TSC2: variants seen among roughly 807,000 people sequenced by gnomAD.
The protein encoded by TSC2 is tuberin.
In TSC2, 29 loss-of-function variants were observed where a neutral mutation model predicts 202.2. That is an observed-to-expected ratio of 0.14 (90% CI 0.11 to 0.20). The LOEUF is 0.20. Ranked by LOEUF, TSC2 falls within the 10% of genes least tolerant of loss-of-function variation. The pLI is 1.00. For synonymous variants in TSC2, 1,349 were observed against 1,044.0 expected (o/e 1.29, Z -5.63); for missense variants, 2,429 against 2,420.0 (o/e 1.00, Z -0.08).
rs1334725181 is a variant in TSC2, at chr16:2,074,191, C to G, written c.2356-9C>G. ...GCGGGTGGGGCCTGAGGTGTCCTGT[C>G]TCCTGCAGCGCGAGATGGTCTACTG... On this transcript the variant is annotated splice_polypyrimidine_tract_variant and intron_variant, in intron 21 of 41. Coordinates refer to ENST00000219476, the MANE Select transcript of TSC2 (RefSeq NM_000548.5). The G allele has an allele frequency of 1.2e-6, 2 of 1,610,768 alleles. No individual in the cohort carries two copies. Among genetic ancestry groups the G allele is most frequent in the Admixed American group, 1.7e-5 (1 of 60,008 alleles).
intron 24 of TSC2, 112 bp downstream of exon 24, chr16:2,076,282 G>A: frequency 6.4e-7 from 1 of 1,568,620 alleles, no homozygotes; most frequent in Non-Finnish European, 8.6e-7. Context: ...GTGGGAGGGT[G>A]TTTGGGGCTG....
In TSC2 at chr16:2,060,775, C is replaced by G. The variant is rs796053483; in HGVS notation, c.1081C>G (p.Leu361Val). The G allele has an allele frequency of 5.0e-6, 8 of 1,613,822 alleles. No individual in the cohort carries two copies. In the Admixed American group the frequency reaches 6.7e-5, roughly 13 times the overall value. ...KELQVVAWDI[L>V]LNIIERLLQQ... Reference sequence around the variant, plus strand: ...GCTCCAGGTGGTGGCGTGGGACATTCTGCTGAACATCATCGAACGGCTCCT... The same window carrying G: ...GCTCCAGGTGGTGGCGTGGGACATTGTGCTGAACATCATCGAACGGCTCCT... Residue 361 changes from leucine (L) to valine (V), a missense_variant, in exon 11 of 42, where the codon CTG becomes GTG. Leu to Val is a conservative substitution (Grantham distance 32). Transcript: ENST00000219476.
intron 17 of TSC2, 29 bp from the exon 18 acceptor site, chr16:2,071,481 T>C (rs2088374716): frequency 1.2e-6 from 2 of 1,612,582 alleles, no homozygotes; most frequent in Non-Finnish European, 1.7e-6. Flanking sequence ...CGAGCTTGGC[T>C]CTGGCTTTCA....
rs2090261149 is a variant in TSC2 at position 2,082,455 on chromosome 16, G to GT, written c.3835dup (p.Tyr1279LeufsTer43). On this transcript the variant is annotated frameshift_variant, in exon 32 of 42. Coordinates refer to ENST00000219476, the MANE Select transcript of TSC2 (RefSeq NM_000548.5). LOFTEE classifies it high-confidence loss of function. ...TTGCAGTGGCCTCTTTCTCCTCCCTGTACCAGTCCAGCTGCCAAGGACAGC... is the reference window on the plus strand; with the variant it reads ...TTGCAGTGGCCTCTTTCTCCTCCCTGTTACCAGTCCAGCTGCCAAGGACAGC... The GT allele has an allele frequency of 1.2e-6, 2 of 1,612,372 alleles. No individual in the cohort carries two copies. Among genetic ancestry groups the GT allele is most frequent in the Admixed American group, 1.7e-5 (1 of 60,016 alleles).
intron 22 of TSC2, among the ~76,000 whole-genome samples, chr16:2,075,563 C>T (rs547308988): frequency 5.3e-5 from 8 of 149,914 alleles, no homozygotes; most frequent in Admixed American, 3.3e-4. Flanking sequence ...GGTGCGGAAG[C>T]CTTTCCTCAC....
chr16:2,083,506 C>T (rs1392776875), intron 32 of TSC2, 189 bp from the exon 33 acceptor site: 17 of 967,088 alleles, frequency 1.8e-5, no homozygotes, highest in South Asian at 4.2e-5. Context: ...AGGCCTGTGT[C>T]GGGGTCACGT....
chr16:2,052,301 C>A (rs2085233685), intron 3 of TSC2, among the ~76,000 whole-genome samples: 1 of 149,306 alleles, frequency 6.7e-6, no homozygotes, highest in Non-Finnish European at 1.5e-5. Flanking sequence ...TCTAAAAGAA[C>A]ACGGCCATTT....
chr16:2,070,954 G>A (rs563814304), intron 17 of TSC2, among the ~76,000 whole-genome samples: 72 of 151,988 alleles, frequency 4.7e-4, no homozygotes, highest in Non-Finnish European at 3.4e-4. Flanking sequence ...GAGCTGAGAC[G>A]GCAGGGCAGG....
At chr16:2,058,628 C>G in intron 9 of TSC2, 119 bp from the exon 10 acceptor site, 3 of 1,455,360 alleles carry the variant, frequency 2.1e-6, no homozygotes, top group Non-Finnish European at 2.8e-6. Context: ...GTGCTCCTGC[C>G]CCCCCCAAGC....
intron 16 of TSC2, 69 bp from the exon 17 acceptor site, chr16:2,070,387 A>T: frequency 3.7e-6 from 6 of 1,612,612 alleles, no homozygotes; most frequent in Non-Finnish European, 5.1e-6. Context: ...CTGCTCCGGG[A>T]CAAGGGTGCT....
In TSC2 at chr16:2,082,527, G is replaced by A. The variant is rs367702069; in HGVS notation, c.3883+23G>A. ...CAGGTATCGCCTCTCAGAGGGAAGC[G>A]GTTGGCTGCAGAGCGCCACTCTGCC... On this transcript the variant is annotated intron_variant, in intron 32 of 41. Transcript: ENST00000219476. The A allele has an allele frequency of 3.4e-5, 55 of 1,608,754 alleles. No homozygotes were observed. In the Middle Eastern group the frequency reaches 4.9e-4, roughly 14 times the overall value.
chr16:2,081,078 G>C, intron 30 of TSC2: 1 of 237,522 alleles, frequency 4.2e-6, no homozygotes, highest in Non-Finnish European at 8.4e-6. Flanking sequence ...GGTCCGCTCT[G>C]GTCCCTTGCT....
Position 2,088,720 on chromosome 16 carries a change from A to G in TSC2, c.*110A>G. ...ATAGAGGCACAGATTGCAGTCAGAC[A>G]GCTCTTTTATTGACTTTGTCTGCTT... On this transcript the variant is annotated 3_prime_UTR_variant, in exon 42 of 42. Coordinates refer to ENST00000219476, the MANE Select transcript of TSC2 (RefSeq NM_000548.5). The G allele has an allele frequency of 7.1e-7, 1 of 1,416,072 alleles. No homozygotes were observed. The highest frequency in any genetic ancestry group is 9.5e-7 in the Non-Finnish European group (1 of 1,049,456). The allele number at this position is 1,416,072 out of a possible 1,614,324, so 87.7% of individuals were successfully genotyped here.
At chr16:2,053,320 C>T (rs1156538176) in intron 3 of TSC2, 22 bp from the exon 4 acceptor site, 23 of 1,560,512 alleles carry the variant, frequency 1.5e-5, no homozygotes, top group Non-Finnish European at 1.9e-5. Flanking sequence ...ATCCTCACCG[C>T]TGTCCCCTCT....
chr16:2,048,313 C>G (rs1026653418), intron 1 of TSC2: 7 of 1,021,650 alleles, frequency 6.9e-6, no homozygotes, highest in Non-Finnish European at 1.1e-5. Flanking sequence ...CCCAGGACTT[C>G]GCGGCGGCAG....
At position 2,054,336 on chromosome 16, in the gene TSC2, T is replaced by G; in HGVS notation, c.377T>G (p.Val126Gly). 6.2e-7 allele frequency: 1 copy of G among 1,614,152 alleles called. No homozygotes were observed. Among genetic ancestry groups the G allele is most frequent in the Non-Finnish European group, 8.5e-7 (1 of 1,180,010 alleles). Residue 126 changes from valine to glycine, a missense_variant, in exon 5 of 42, where the codon GTC becomes GGC. Coordinates refer to ENST00000219476, the MANE Select transcript of TSC2 (RefSeq NM_000548.5). ...LGVLRALFFKVIKDYPSNEDL... is the reference protein window; with the variant it reads ...LGVLRALFFKGIKDYPSNEDL... The stretch of plus-strand genomic sequence containing the variant: ...GTCCTCAGAGCCCTCTTCTTTAAGG[T>G]CATCAAGGATTACCCTTCCAACGAA...
chr16:2,082,413 C>T (rs1228746523), intron 31 of TSC2, 23 bp from the exon 32 acceptor site: 4 of 1,612,050 alleles, frequency 2.5e-6, no homozygotes, highest in African/African-American at 1.3e-5. Flanking sequence ...GCTGACGTGG[C>T]CGCACACGGC....
At chr16:2,086,900 G>T in intron 38 of TSC2, 29 bp downstream of exon 38, 3 of 1,559,122 alleles carry the variant, frequency 1.9e-6, no homozygotes, top group Non-Finnish European at 2.6e-6. Flanking sequence ...GTGAGGCTGG[G>T]CCCCAGGCAG....
chr16:2,088,366 C>T (rs1163889495), intron 41 of TSC2, 41 bp downstream of exon 41: 1 of 1,612,198 alleles, frequency 6.2e-7, no homozygotes, highest in Middle Eastern at 1.6e-4. Context: ...GTGCTGGCTG[C>T]CCAAGCTGTG....
Sources: gnomAD v4.1 joint callset for allele counts (sites outside exome capture counted in the v4.1 genomes callset) on GRCh38, gnomAD v4.1.1 for gene constraint, MANE v1.5 for transcripts, NCBI Gene and HGNC (gene_info 2026-07-23, HGNC 2026-07-21) for gene names.